Variants in CTNNA1 observed in about 807,000 individuals in gnomAD.
The protein encoded by CTNNA1 is catenin alpha-1.
A neutral mutation model predicts 98.4 loss-of-function variants in CTNNA1; 37 were observed. The ratio of observed to expected loss-of-function variants is 0.38; its 90% CI spans 0.29 to 0.49. CTNNA1 has a LOEUF of 0.49. Among genes scored for constraint, CTNNA1 ranks in the 20% least tolerant of loss-of-function variants. The pLI, the probability that CTNNA1 is intolerant of heterozygous loss-of-function variation, is 0.95. For synonymous variants in CTNNA1, 404 were observed against 413.2 expected (o/e 0.98, Z 0.27); for missense variants, 761 against 1,147.2 (o/e 0.66, Z 4.86).
At chr5:138,755,205 A>G (rs563172175) in intron 1 of CTNNA1, 11 of 152,254 alleles carry the variant, frequency 7.2e-5, no homozygotes, top group Non-Finnish European at 1.5e-4. Context: ...TGTCTGAGTC[A>G]AATCTTACCT....
intron 16 of CTNNA1, chr5:138,932,358 A>C: frequency 7.2e-7 from 1 of 1,388,312 alleles, no homozygotes; most frequent in Non-Finnish European, 9.3e-7. Flanking sequence ...CATGCGGCGC[A>C]GTCAGGGTCC....
chr5:138,933,628 A>G (rs958287216), intron 17 of CTNNA1, among the ~76,000 whole-genome samples, 174 bp from the exon 18 acceptor site: 1 of 152,202 alleles, frequency 6.6e-6, no homozygotes, highest in Non-Finnish European at 1.5e-5. Flanking sequence ...CTATTTAGAT[A>G]AGAGCAGCCG....
At chr5:138,791,392 G>T in intron 3 of CTNNA1, among the ~76,000 whole-genome samples, 1 of 151,976 alleles carries the variant, frequency 6.6e-6, no homozygotes, top group East Asian at 1.9e-4. Flanking sequence ...GCCGAGGCGG[G>T]CAGATCACGA....
chr5:138,824,930 G>C (rs1047711194), intron 6 of CTNNA1, 131 bp downstream of exon 6: 9 of 799,840 alleles, frequency 1.1e-5, no homozygotes, highest in Non-Finnish European at 1.6e-5. Context: ...TAAGTCAAAA[G>C]AAATTATGAA....
chr5:138,762,501 C>T (rs975484147), intron 1 of CTNNA1, among the ~76,000 whole-genome samples: 2 of 151,442 alleles, frequency 1.3e-5, no homozygotes, highest in African/African-American at 4.9e-5. Flanking sequence ...TTTTTTATAA[C>T]TATCAAACTT....
chr5:138,792,363 A>G (rs893742750), intron 3 of CTNNA1, among the ~76,000 whole-genome samples: 1 of 152,208 alleles, frequency 6.6e-6, no homozygotes, highest in African/African-American at 2.4e-5. Flanking sequence ...AGATTGAAGG[A>G]GGCGAAAATT....
At chr5:138,775,278 T>C (rs927308247) in intron 1 of CTNNA1, among the ~76,000 whole-genome samples, 2 of 152,226 alleles carry the variant, frequency 1.3e-5, no homozygotes, top group Non-Finnish European at 2.9e-5. Context: ...GACATTTGGT[T>C]GAGCTGTTGT....
At chr5:138,917,229 G>A (rs988746671) in intron 10 of CTNNA1, among the ~76,000 whole-genome samples, 11 of 152,194 alleles carry the variant, frequency 7.2e-5, no homozygotes, top group Non-Finnish European at 1.6e-4. Context: ...AACCTGAAAT[G>A]CCACATTTTT....
intron 3 of CTNNA1, among the ~76,000 whole-genome samples, chr5:138,793,688 A>T (rs1236938925): frequency 6.6e-6 from 1 of 152,230 alleles, no homozygotes; most frequent in Non-Finnish European, 1.5e-5. Flanking sequence ...TAAGAAAGTG[A>T]TTCCAAGTTG....
At chr5:138,809,190 ATTCC>A (rs965564117) in intron 3 of CTNNA1, among the ~76,000 whole-genome samples, 1 of 152,180 alleles carries the variant, frequency 6.6e-6, no homozygotes, top group African/African-American at 2.4e-5. Flanking sequence ...TAAGTTGGAT[ATTCC>A]TATAAGCTAT....
At chr5:138,923,495 T>A (rs2150278873) in intron 11 of CTNNA1, among the ~76,000 whole-genome samples, 1 of 152,310 alleles carries the variant, frequency 6.6e-6, no homozygotes, top group East Asian at 1.9e-4. Flanking sequence ...TACTGTTTCC[T>A]GGCCTTCCCT....
chr5:138,775,777 C>T (rs1754061593), intron 1 of CTNNA1, among the ~76,000 whole-genome samples: 1 of 131,978 alleles, frequency 7.6e-6, no homozygotes, highest in African/African-American at 2.9e-5. Flanking sequence ...GGCTGGAGTG[C>T]AGTGGCGCGA....
intron 1 of CTNNA1, among the ~76,000 whole-genome samples, chr5:138,779,905 G>A (rs1480430034): frequency 6.6e-6 from 1 of 151,688 alleles, no homozygotes; most frequent in Non-Finnish European, 1.5e-5. Context: ...TAATAGAGAC[G>A]GGGTTTCACT....
chr5:138,776,038 TC>T (rs1561511621), intron 1 of CTNNA1, among the ~76,000 whole-genome samples: 10 of 120,858 alleles, frequency 8.3e-5, no homozygotes, highest in African/African-American at 2.8e-4. Flanking sequence ...TGGAAATGTT[TC>T]TTTTTTTTTT....
chr5:138,754,947 G>C (rs1751464241), intron 1 of CTNNA1: 1 of 152,038 alleles, frequency 6.6e-6, no homozygotes. Context: ...TGGTAGAGAT[G>C]GTGTCTCGCT....
intron 1 of CTNNA1, among the ~76,000 whole-genome samples, chr5:138,779,718 T>C (rs1258710587): frequency 1.6e-5 from 1 of 64,500 alleles, no homozygotes; most frequent in African/African-American, 7.0e-5. Flanking sequence ...TTTTTTTTTG[T>C]TTTTGTTTTT....
rs958634135 is a variant in CTNNA1 at position 138,809,717 on chromosome 5, C to CT, written c.302-313dup. Among the ~76,000 whole-genome samples, 5 of 149,672 alleles carry CT rather than the reference C, an allele frequency of 3.3e-5. No homozygotes were observed. In the South Asian group the frequency reaches 8.5e-4, roughly 25 times the overall value. Reference sequence around the variant, plus strand: ...TCTCCTGTTCAAATCTTGAATTTTTCTTTTTTTTGGATACATATAATGCCC... The same window carrying CT: ...TCTCCTGTTCAAATCTTGAATTTTTCTTTTTTTTTGGATACATATAATGCCC... On this transcript the variant is annotated intron_variant, in intron 3 of 17. Coordinates refer to ENST00000302763, the MANE Select transcript of CTNNA1 (RefSeq NM_001903.5).
intron 7 of CTNNA1, among the ~76,000 whole-genome samples, chr5:138,885,551 A>G (rs1753845660): frequency 6.6e-6 from 1 of 152,164 alleles, no homozygotes; most frequent in Non-Finnish European, 1.5e-5. Context: ...ATCTCGACTC[A>G]GCACCTTGAC....
intron 3 of CTNNA1, among the ~76,000 whole-genome samples, chr5:138,789,318 T>C (rs1030935751): frequency 1.3e-5 from 2 of 152,040 alleles, no homozygotes; most frequent in Non-Finnish European, 2.9e-5. Context: ...CACTGGATCT[T>C]GAAAGGTAGA....
Sources: allele counts gnomAD v4.1 joint callset (sites outside exome capture counted in the v4.1 genomes callset), GRCh38; gene constraint gnomAD v4.1.1; transcripts MANE v1.5; gene names NCBI Gene and HGNC (gene_info 2026-07-23, HGNC 2026-07-21).